Variants in NAALADL1 observed in about 807,000 individuals in gnomAD.
The protein encoded by NAALADL1 is aminopeptidase NAALADL1.
In NAALADL1, 77 loss-of-function variants were observed where a neutral mutation model predicts 82.8. That is an observed-to-expected ratio of 0.93 (90% confidence interval 0.77 to 1.12). The LOEUF is 1.12. NAALADL1 is among the 50% of genes most tolerant of loss of function. The pLI is 0.00. For synonymous variants in NAALADL1, 358 were observed against 399.2 expected, an observed-to-expected ratio of 0.90 and a Z score of 1.23; for missense variants, 956 against 964.0, an observed-to-expected ratio of 0.99 and a Z score of 0.11.
At position 65,054,502 on chromosome 11, in the gene NAALADL1, T is replaced by TG. The variant is rs749336516; in HGVS notation, c.839dup (p.Ile281AsnfsTer17). On this transcript the variant is annotated frameshift_variant, in exon 5 of 18. Coordinates refer to ENST00000358658, the MANE Select transcript of NAALADL1 (RefSeq NM_005468.3). LOFTEE classifies it high-confidence loss of function. The surrounding 1 kb of genome is among the most constrained non-coding windows in gnomAD (Gnocchi z 4.3). ...GGAAGCCAATGGGCTGTGTAGGAAT[T>TG]GGGGGAAATCCGGAGACATTGGCAA... is the stretch of plus-strand genomic sequence containing the variant. 6.2e-7 allele frequency: 1 copy of TG among 1,613,416 alleles called. No homozygotes were observed. The highest frequency in any genetic ancestry group is 8.5e-7 in the Non-Finnish European group (1 of 1,179,866).
In NAALADL1 at chr11:65,053,882, G is replaced by A. The variant is rs1946961200; in HGVS notation, c.993-306C>T. Among the ~76,000 whole-genome samples, 1 of 152,178 alleles carries A rather than the reference G, an allele frequency of 6.6e-6. No homozygotes were observed. Among genetic ancestry groups the A allele is most frequent in the South Asian group, 2.1e-4 (1 of 4,832 alleles). On this transcript the variant is annotated intron_variant, in intron 6 of 17. Transcript: ENST00000358658. The surrounding 1 kb of genome is among the most constrained non-coding windows in gnomAD (Gnocchi z 4.3). ...GGAGGACAGGAACAGCTGGGTGAAGGGGCCTGGGAGGAGAGGGCACCTGGA... is the reference window on the plus strand; with the variant it reads ...GGAGGACAGGAACAGCTGGGTGAAGAGGCCTGGGAGGAGAGGGCACCTGGA...
chr11:65,052,078 C>T, intron 8 of NAALADL1, among the ~76,000 whole-genome samples: 1 of 152,140 alleles, frequency 6.6e-6, no homozygotes, highest in Admixed American at 6.5e-5. Flanking sequence ...TTCACATCTT[C>T]CTTCTAGATC....
intron 8 of NAALADL1, among the ~76,000 whole-genome samples, chr11:65,050,434 C>G (rs1341270424): frequency 6.7e-6 from 1 of 150,110 alleles, no homozygotes; most frequent in Non-Finnish European, 1.5e-5. Context: ...GCCGAGATGG[C>G]GCCACTGCAC....
At chr11:65,059,854 C>T (rs76938768), upstream of NAALADL1, among the ~76,000 whole-genome samples, 2,222 of 152,290 alleles carry the variant, frequency 0.015, 61 homozygotes, top group African/African-American at 0.051. Context: ...TAGGAGGGAA[C>T]ATCTGAGGGG....
At chr11:65,050,812 T>C (rs1476030279) in intron 8 of NAALADL1, among the ~76,000 whole-genome samples, 1 of 151,944 alleles carries the variant, frequency 6.6e-6, no homozygotes, top group Non-Finnish European at 1.5e-5. Flanking sequence ...TAATAATACT[T>C]CAGACAAAAA....
In NAALADL1 at chr11:65,053,363, A is replaced by G; in HGVS notation, c.1079-26T>C. 1 of 1,603,744 alleles carries G rather than the reference A, an allele frequency of 6.2e-7. No homozygotes were observed. Among genetic ancestry groups the G allele is most frequent in the Non-Finnish European group, 8.5e-7 (1 of 1,175,298 alleles). Reference sequence around the variant, plus strand: ...CTGGCCAGAGGAAAAGGGGCAGAGAACCAGAGGAGAGGGAGAGGTGGGCAG... The same window carrying G: ...CTGGCCAGAGGAAAAGGGGCAGAGAGCCAGAGGAGAGGGAGAGGTGGGCAG... On this transcript the variant is annotated intron_variant, in intron 7 of 17. Coordinates refer to ENST00000358658, the MANE Select transcript of NAALADL1 (RefSeq NM_005468.3). The surrounding 1 kb of genome is among the most constrained non-coding windows in gnomAD (Gnocchi z 4.3).
rs745711770 is a variant in NAALADL1, at chr11:65,048,019, G to A, written c.1378C>T (p.Pro460Ser). ...ANATLRVQGT[P>S]PVQSVVFSAT... ...GAGAAGACGACGCTCTGGACAGGGG[G>A]CGTCCCCTGCACCCTAAGGGTAGCG... Residue 460 changes from proline (P) to serine (S), a missense_variant, in exon 11 of 18, where the codon CCC becomes TCC. Pro to Ser is a moderately conservative substitution (Grantham distance 74, BLOSUM62 -1). Coordinates refer to ENST00000358658, the MANE Select transcript of NAALADL1 (RefSeq NM_005468.3). 3.7e-6 allele frequency: 6 copies of A among 1,613,794 alleles called. No individual in the cohort carries two copies. The highest frequency in any genetic ancestry group is 1.7e-5 in the Admixed American group (1 of 59,970).
At chr11:65,060,786 C>T (rs1247376125), upstream of NAALADL1, among the ~76,000 whole-genome samples, 1 of 152,148 alleles carries the variant, frequency 6.6e-6, no homozygotes, top group Non-Finnish European at 1.5e-5. Flanking sequence ...TGGCCCCTCC[C>T]AGAACATTCT....
chr11:65,046,413 G>T lies in NAALADL1; in HGVS notation c.1681+32C>A, dbSNP rs774835864. ...CTCAGTCTTCAGCCTCTCCTGTCCT[G>T]GTCTCAGGATGCCCCTTGTCTCCCT... On this transcript the variant is annotated intron_variant, in intron 14 of 17. Coordinates refer to ENST00000358658, the MANE Select transcript of NAALADL1 (RefSeq NM_005468.3). The T allele has an allele frequency of 5.0e-6, 8 of 1,614,158 alleles. No individual in the cohort carries two copies. The Admixed American group carries it at 1.3e-4, about 27-fold the overall frequency.
chr11:65,051,273 T>A (rs1400833758), intron 8 of NAALADL1, among the ~76,000 whole-genome samples: 2 of 136,320 alleles, frequency 1.5e-5, no homozygotes, highest in East Asian at 2.1e-4. Flanking sequence ...TGCTACCAAC[T>A]CCCCAAGTCA....
chr11:65,053,467 G>A lies in NAALADL1; in HGVS notation c.1078+24C>T, dbSNP rs747016354. ...CCAGAGCAGAGCAGGGGCCTGGGGT[G>A]CAGGCAGCAAGAGGAGGGCTCACCA... On this transcript the variant is annotated intron_variant, in intron 7 of 17. Transcript: ENST00000358658. This position sits in a 1 kb window ranked among gnomAD's most constrained non-coding sequence, Gnocchi z 4.3. 5 of 1,612,568 alleles carry A rather than the reference G, an allele frequency of 3.1e-6. No homozygotes were observed. The highest frequency in any genetic ancestry group is 3.3e-5 in the Admixed American group (2 of 60,000).
Position 65,048,309 on chromosome 11 carries a change from T to A in NAALADL1, c.1275A>T (p.Glu425Asp). The change falls in exon 9 of 18, where the codon GAA becomes GAT. Residue 425 changes from glutamate to aspartate, a missense_variant. By Grantham distance (45) the Glu-to-Asp change is conservative (BLOSUM62 2). Coordinates refer to ENST00000358658, the MANE Select transcript of NAALADL1 (RefSeq NM_005468.3). ...AEEFGLIGST[E>D]FTEEFFNKLQ... ...CTGTAGGGCCACTCACTTCTGTGAA[T>A]TCCGTGGAGCCAATGAGCCCAAACT... 1 of 1,614,140 alleles carries A rather than the reference T, an allele frequency of 6.2e-7. No individual in the cohort carries two copies. Among genetic ancestry groups the A allele is most frequent in the Non-Finnish European group, 8.5e-7 (1 of 1,180,028 alleles).
At position 65,046,007 on chromosome 11, in the gene NAALADL1, T is replaced by C. The variant is rs370320614; in HGVS notation, c.1943+20A>G. ...CCCTGGGTGCTGCCCTCCCAGCCCC[T>C]GCCCGCTGCCCTTGCTCACTCAGGG... On this transcript the variant is annotated intron_variant, in intron 16 of 17. Coordinates refer to ENST00000358658, the MANE Select transcript of NAALADL1 (RefSeq NM_005468.3). 1.2e-5 allele frequency: 19 copies of C among 1,612,870 alleles called. No individual in the cohort carries two copies. In the Admixed American group the frequency reaches 3.0e-4, roughly 26 times the overall value.
chr11:65,047,473 A>G lies in NAALADL1; in HGVS notation c.1599+2T>C, dbSNP rs1008153681. 5.1e-6 allele frequency: 8 copies of G among 1,559,152 alleles called. No homozygotes were observed. The highest frequency in any genetic ancestry group is 6.9e-6 in the Non-Finnish European group (8 of 1,151,344). ...GGCAGGGACGGAGGGGCGCCTGCTC[A>G]CCCGGTCATAGGTATAGGCAATGTC... is the stretch of plus-strand genomic sequence containing the variant. On this transcript the variant is annotated splice_donor_variant, in intron 13 of 17. Coordinates refer to ENST00000358658, the MANE Select transcript of NAALADL1 (RefSeq NM_005468.3). LOFTEE classifies it high-confidence loss of function.
chr11:65,047,914 G>C, intron 11 of NAALADL1, 67 bp downstream of exon 11: 5 of 566,346 alleles, frequency 8.8e-6, no homozygotes, highest in Non-Finnish European at 1.5e-5. Context: ...CCCACCCGTA[G>C]CGGCCCCGTC....
chr11:65,057,386 T>C lies in NAALADL1; in HGVS notation c.588A>G (p.Val196=). ...TGCCACTCACCTTGGCCCCACGCCC[T>C]ACACCCCCATATCGAGTCAGGGCAA... ...GTIALTRYGG[V]GRGAKAVNAA... is the part of the protein sequence containing the mutation. Residue 196 remains valine (V), a synonymous_variant, in exon 4 of 18, where the codon GTA becomes GTG. Coordinates refer to ENST00000358658, the MANE Select transcript of NAALADL1 (RefSeq NM_005468.3). 6.2e-7 allele frequency: 1 copy of C among 1,613,348 alleles called. No individual in the cohort carries two copies. The highest frequency in any genetic ancestry group is 8.5e-7 in the Non-Finnish European group (1 of 1,179,616).
In NAALADL1 at chr11:65,046,278, A is replaced by G. The variant is rs199545709; in HGVS notation, c.1766T>C (p.Val589Ala). Reference protein sequence around the residue: ...LSDSFFLPLKVSDYSETLRSF... With the variant: ...LSDSFFLPLKASDYSETLRSF... ...GCGGAGTGTCTCACTGTAGTCACTG[A>G]CTTTGAGGGGCAGGAAGAAGCTGTC... is the stretch of plus-strand genomic sequence containing the variant. The change falls in exon 15 of 18, where the codon GTC becomes GCC. Residue 589 changes from valine (V) to alanine (A), a missense_variant. Transcript: ENST00000358658. 6 of 1,614,110 alleles carry G rather than the reference A, an allele frequency of 3.7e-6. No individual in the cohort carries two copies. The East Asian group carries it at 8.9e-5, about 24-fold the overall frequency.
At chr11:65,045,566 C>T (rs977034525) in intron 17 of NAALADL1, 109 bp from the exon 18 acceptor site, 4 of 1,199,496 alleles carry the variant, frequency 3.3e-6, no homozygotes, top group African/African-American at 1.5e-5. Context: ...CAGAAAAGCA[C>T]CCCCGTCCAC....
At chr11:65,048,085 GC>G in intron 10 of NAALADL1, 37 bp from the exon 11 acceptor site, 1 of 1,613,976 alleles carries the variant, frequency 6.2e-7, no homozygotes, top group Non-Finnish European at 8.5e-7. Flanking sequence ...TTGGGCCCCA[GC>G]CCCTTCTTTT....
Sources: gnomAD v4.1 joint callset for allele counts (sites outside exome capture counted in the v4.1 genomes callset) on GRCh38, gnomAD v4.1.1 for gene constraint, Gnocchi (gnomAD v3.1) non-coding constraint, MANE v1.5 for transcripts, NCBI Gene and HGNC (gene_info 2026-07-23, HGNC 2026-07-21) for gene names.